The following SDK1 variants were observed in gnomAD, a reference collection of about 807,000 sequenced individuals.
SDK1 encodes the protein sidekick cell adhesion molecule 1.
In SDK1, 157 loss-of-function variants were observed where a neutral mutation model predicts 245.5. The ratio of observed to expected loss-of-function variants is 0.64; its 90% confidence interval spans 0.56 to 0.73. The LOEUF (loss-of-function observed/expected upper bound fraction) is 0.73, where lower values mean the gene tolerates loss of function less well. SDK1 is among the 30% of genes least tolerant of loss of function. The pLI is 0.00. For synonymous variants in SDK1, 1,647 were observed against 1,278.5 expected, an observed-to-expected ratio of 1.29 and a Z score of -6.15; for missense variants, 3,583 against 3,002.3, an observed-to-expected ratio of 1.19 and a Z score of -4.52.
At chr7:3,477,629 C>T (rs924972588) in intron 1 of SDK1, among the ~76,000 whole-genome samples, 2 of 151,694 alleles carry the variant, frequency 1.3e-5, no homozygotes, top group African/African-American at 2.4e-5. Flanking sequence ...ATTCTCCTGC[C>T]TCAGCCTCCT....
At chr7:3,853,377 A>G (rs926920845) in intron 5 of SDK1, among the ~76,000 whole-genome samples, 1 of 152,150 alleles carries the variant, frequency 6.6e-6, no homozygotes, top group African/African-American at 2.4e-5. Flanking sequence ...GGATGTCACA[A>G]TCCAATCTGG....
intron 17 of SDK1, among the ~76,000 whole-genome samples, chr7:4,048,479 C>T (rs1396892273): frequency 2.6e-5 from 4 of 152,036 alleles, no homozygotes; most frequent in Non-Finnish European, 4.4e-5. Context: ...CACCCCGCTT[C>T]CCCCCACCCC....
intron 4 of SDK1, among the ~76,000 whole-genome samples, chr7:3,656,112 A>G (rs1156881634): frequency 6.6e-6 from 1 of 152,254 alleles, no homozygotes; most frequent in East Asian, 1.9e-4. Context: ...CTCATTTGGA[A>G]CTTTGTATGT....
intron 13 of SDK1, chr7:3,974,813 C>T (rs182356104): frequency 2.7e-4 from 104 of 379,906 alleles, no homozygotes; most frequent in Non-Finnish European, 4.2e-4. Context: ...ATATTTTTCC[C>T]GTGGACACCT....
At chr7:3,601,829 T>TCCCCCCCAC (rs1781263302) in intron 1 of SDK1, among the ~76,000 whole-genome samples, 1 of 116,980 alleles carries the variant, frequency 8.5e-6, no homozygotes, top group African/African-American at 3.5e-5. Context: ...CCTCCCCCCT[T>TCCCCCCCAC]CCCCCACCCC....
At chr7:4,205,670 G>T (rs1386297501) in intron 35 of SDK1, among the ~76,000 whole-genome samples, 2 of 152,230 alleles carry the variant, frequency 1.3e-5, no homozygotes, top group African/African-American at 4.8e-5. Context: ...GCATAAAAGG[G>T]CTGAGAGCTC....
intron 1 of SDK1, among the ~76,000 whole-genome samples, chr7:3,522,746 C>A (rs543230155): frequency 6.6e-6 from 1 of 152,138 alleles, no homozygotes; most frequent in Non-Finnish European, 1.5e-5. Context: ...AAATCACTGA[C>A]CAATTCCAGC....
intron 4 of SDK1, among the ~76,000 whole-genome samples, chr7:3,758,295 G>C (rs568363457): frequency 1.3e-5 from 2 of 152,258 alleles, no homozygotes; most frequent in South Asian, 4.2e-4. Context: ...TGTTCTAACG[G>C]TGATTTTTCT....
chr7:4,244,634 G>A (rs538595580), intron 43 of SDK1, among the ~76,000 whole-genome samples: 65 of 152,312 alleles, frequency 4.3e-4, no homozygotes, highest in Middle Eastern at 3.4e-3. Context: ...TTAGCACCAC[G>A]CGGTCTCCCT....
rs566227881 is a variant in SDK1, at chr7:3,569,242, C to T, written c.299-49838C>T. Among the ~76,000 whole-genome samples, 458 of 152,222 alleles carry T rather than the reference C, an allele frequency of 3.0e-3. 3 individuals are homozygous for T. Among genetic ancestry groups the T allele is most frequent in the African/African-American group, 8.8e-3 (366 of 41,530 alleles). ...GAGAAAAACAAGGAAAAACAGAAGTCGGAATTCAAACGAGAACCAGAAGTA... is the reference window on the plus strand; with the variant it reads ...GAGAAAAACAAGGAAAAACAGAAGTTGGAATTCAAACGAGAACCAGAAGTA... On this transcript the variant is annotated intron_variant, in intron 1 of 44. Coordinates refer to ENST00000404826, the MANE Select transcript of SDK1 (RefSeq NM_152744.4).
intron 1 of SDK1, among the ~76,000 whole-genome samples, chr7:3,347,443 G>A (rs758503319): frequency 6.6e-6 from 1 of 152,040 alleles, no homozygotes; most frequent in Non-Finnish European, 1.5e-5. Context: ...GATGAAGTTG[G>A]AACAAAATAA....
chr7:3,308,733 C>T (rs73286352), intron 1 of SDK1, among the ~76,000 whole-genome samples: 3,635 of 152,116 alleles, frequency 0.024, 155 homozygotes, highest in African/African-American at 0.083. Context: ...CATATTATTA[C>T]GTAGAATTAG....
chr7:4,023,859 G>C (rs1787126162), intron 17 of SDK1, among the ~76,000 whole-genome samples: 2 of 152,368 alleles, frequency 1.3e-5, no homozygotes, highest in African/African-American at 2.4e-5. Flanking sequence ...GAACCTGAGT[G>C]TGGAACACTG....
At chr7:3,396,394 G>C (rs941304223) in intron 1 of SDK1, among the ~76,000 whole-genome samples, 1 of 151,654 alleles carries the variant, frequency 6.6e-6, no homozygotes, top group Admixed American at 6.6e-5. Context: ...TTAGATGTGT[G>C]TTAAGGTAAG....
chr7:3,665,648 G>C (rs948920242), intron 4 of SDK1, among the ~76,000 whole-genome samples: 1 of 152,126 alleles, frequency 6.6e-6, no homozygotes, highest in Admixed American at 6.5e-5. Flanking sequence ...CACAGCAAGA[G>C]GCAACTAGAA....
chr7:3,321,190 CA>C (rs765913492), intron 1 of SDK1, among the ~76,000 whole-genome samples: 3 of 152,142 alleles, frequency 2.0e-5, no homozygotes, highest in Non-Finnish European at 4.4e-5. Context: ...AAAAAATTCA[CA>C]AGCAAGATGA....
intron 5 of SDK1, among the ~76,000 whole-genome samples, chr7:3,854,978 C>T (rs971218094): frequency 6.6e-6 from 1 of 152,116 alleles, no homozygotes; most frequent in African/African-American, 2.4e-5. Flanking sequence ...ACTCTAACTG[C>T]TTCATCTACA....
intron 5 of SDK1, among the ~76,000 whole-genome samples, chr7:3,941,466 C>G (rs577047541): frequency 6.6e-6 from 1 of 152,284 alleles, no homozygotes; most frequent in South Asian, 2.1e-4. Flanking sequence ...TGCCCCCCCA[C>G]TGCCCCTCAA....
At chr7:3,342,325 ATGCC>A (rs1780369918) in intron 1 of SDK1, among the ~76,000 whole-genome samples, 1 of 152,218 alleles carries the variant, frequency 6.6e-6, no homozygotes, top group Admixed American at 6.5e-5. Flanking sequence ...GCGGTGGCTC[ATGCC>A]TGTAATCCCA....
Sources: allele counts gnomAD v4.1 joint callset (sites outside exome capture counted in the v4.1 genomes callset), GRCh38; gene constraint gnomAD v4.1.1; transcripts MANE v1.5; gene names NCBI Gene and HGNC (gene_info 2026-07-23, HGNC 2026-07-21).